The following CNOT10 variants were observed in gnomAD, a reference collection of about 807,000 sequenced individuals.
The protein encoded by CNOT10 is CCR4-NOT transcription complex subunit 10, also known as CCR4-NOT transcription complex, subunit 10.
A neutral mutation model predicts 94.6 loss-of-function variants in CNOT10; 30 were observed. The observed-to-expected ratio is 0.32, with a 90% confidence interval of 0.24 to 0.43. The LOEUF is 0.43. Among genes scored for constraint, CNOT10 ranks in the 20% least tolerant of loss-of-function variants. The pLI is 1.00. For synonymous variants in CNOT10, 289 were observed against 301.6 expected (o/e 0.96, Z 0.43); for missense variants, 759 against 877.2 (o/e 0.87, Z 1.70).
rs1003615918 is a variant in CNOT10, at chr3:32,727,664, C to G, written c.1013-4C>G. 2 of 1,581,838 alleles carry G rather than the reference C, an allele frequency of 1.3e-6. No individual in the cohort carries two copies. Among genetic ancestry groups the G allele is most frequent in the Non-Finnish European group, 8.7e-7 (1 of 1,151,480 alleles). On this transcript the variant is annotated splice_polypyrimidine_tract_variant and splice_region_variant and intron_variant, in intron 9 of 18. Coordinates refer to ENST00000328834, the MANE Select transcript of CNOT10 (RefSeq NM_015442.3). ...ATGTATTCTTATCTAATTTTTATCA[C>G]TAGGTAAAAAATTTTCAGGAAGACC...
chr3:32,709,706 G>T (rs191762299), intron 4 of CNOT10, among the ~76,000 whole-genome samples: 38 of 152,196 alleles, frequency 2.5e-4, no homozygotes, highest in African/African-American at 7.0e-4. Flanking sequence ...CAGTGGTAAG[G>T]GATTATGTAA....
rs1403379615 is a variant in CNOT10, at chr3:32,688,179, G to A, written c.22+2697G>A. On this transcript the variant is annotated intron_variant, in intron 1 of 18. Coordinates refer to ENST00000328834, the MANE Select transcript of CNOT10 (RefSeq NM_015442.3). ...TAAATATTCACCAATGGCCTGTTTT[G>A]CCAGGTACTACTTTAGGAACTGGGC... Among the ~76,000 whole-genome samples the A allele has an allele frequency of 5.3e-5, 8 of 152,154 alleles. 1 individual carries two copies. The highest frequency in any genetic ancestry group is 3.9e-4 in the Admixed American group (6 of 15,270).
intron 17 of CNOT10, chr3:32,769,557 T>C (rs140072867): frequency 2.5e-5 from 6 of 240,948 alleles, no homozygotes; most frequent in African/African-American, 8.7e-5. Flanking sequence ...GAAGTGTTAC[T>C]TAGGAAAACA....
At chr3:32,715,763 C>T (rs1698090961) in intron 5 of CNOT10, among the ~76,000 whole-genome samples, 1 of 152,200 alleles carries the variant, frequency 6.6e-6, no homozygotes, top group Non-Finnish European at 1.5e-5. Flanking sequence ...CTGTCACCCA[C>T]TCTAGACTAC....
chr3:32,769,664 A>G, intron 17 of CNOT10: 1 of 490,060 alleles, frequency 2.0e-6, no homozygotes, highest in Non-Finnish European at 3.8e-6. Context: ...CGGGGTGTCC[A>G]GTCACCCATC....
At chr3:32,703,267 T>G (rs533129657) in intron 1 of CNOT10, among the ~76,000 whole-genome samples, 1 of 152,040 alleles carries the variant, frequency 6.6e-6, no homozygotes, top group African/African-American at 2.4e-5. Flanking sequence ...TTTGGCCACT[T>G]TATTAGGAAG....
chr3:32,700,238 A>C (rs979097522), intron 1 of CNOT10, among the ~76,000 whole-genome samples: 3 of 152,054 alleles, frequency 2.0e-5, no homozygotes, highest in Non-Finnish European at 4.4e-5. Context: ...GGCCTCCCAA[A>C]GTGCTGGGAT....
At chr3:32,728,883 G>A (rs540304271) in intron 10 of CNOT10, among the ~76,000 whole-genome samples, 344 of 152,174 alleles carry the variant, frequency 2.3e-3, no homozygotes, top group Non-Finnish European at 4.4e-3. Flanking sequence ...GGTGGATCAC[G>A]AGGTCAGGAG....
intron 1 of CNOT10, among the ~76,000 whole-genome samples, chr3:32,686,158 G>A (rs747570298): frequency 6.6e-6 from 1 of 152,074 alleles, no homozygotes; most frequent in Non-Finnish European, 1.5e-5. Flanking sequence ...AATCTCAATG[G>A]TTTTCTTTAT....
intron 1 of CNOT10, among the ~76,000 whole-genome samples, chr3:32,691,159 CTTT>C (rs34462848): frequency 1.1e-5 from 1 of 88,166 alleles, no homozygotes; most frequent in Admixed American, 1.4e-4. Context: ...CCACAGCCAG[CTTT>C]TTTTTTTTTT....
chr3:32,736,294 C>G (rs954178006), intron 12 of CNOT10, among the ~76,000 whole-genome samples: 1 of 152,074 alleles, frequency 6.6e-6, no homozygotes, highest in African/African-American at 2.4e-5. Context: ...GCCATGTTGT[C>G]CAGGATGGTC....
intron 1 of CNOT10, among the ~76,000 whole-genome samples, chr3:32,686,684 G>T (rs1178623646): frequency 6.6e-6 from 1 of 152,174 alleles, no homozygotes; most frequent in Non-Finnish European, 1.5e-5. Flanking sequence ...CAGGAAAACG[G>T]CATGGCCTGT....
intron 4 of CNOT10, 87 bp from the exon 5 acceptor site, chr3:32,713,140 G>A: frequency 9.2e-7 from 1 of 1,085,990 alleles, no homozygotes; most frequent in Non-Finnish European, 1.3e-6. Context: ...GCTATTTAAA[G>A]CTTTGTATAC....
At chr3:32,745,267 G>C (rs1332125783) in intron 13 of CNOT10, among the ~76,000 whole-genome samples, 1 of 151,790 alleles carries the variant, frequency 6.6e-6, no homozygotes, top group Non-Finnish European at 1.5e-5. Flanking sequence ...TACTGTATTG[G>C]TTTTTAATTT....
intron 7 of CNOT10, among the ~76,000 whole-genome samples, chr3:32,719,380 A>G (rs975950683): frequency 6.6e-6 from 1 of 152,232 alleles, no homozygotes; most frequent in Non-Finnish European, 1.5e-5. Context: ...AGATCATGCC[A>G]CTGTACTCCA....
intron 13 of CNOT10, chr3:32,753,907 T>G: frequency 7.9e-7 from 1 of 1,260,788 alleles, no homozygotes; most frequent in Non-Finnish European, 1.1e-6. Context: ...ACTAAATAAA[T>G]TAATTTGCTC....
chr3:32,705,044 G>A, intron 3 of CNOT10, 72 bp downstream of exon 3: 3 of 993,798 alleles, frequency 3.0e-6, no homozygotes, highest in South Asian at 2.2e-5. Context: ...AAATAGTTAA[G>A]GAAAATAAAT....
At chr3:32,692,060 A>G (rs1340854925) in intron 1 of CNOT10, among the ~76,000 whole-genome samples, 1 of 151,718 alleles carries the variant, frequency 6.6e-6, no homozygotes, top group Non-Finnish European at 1.5e-5. Context: ...CCAAAAAAAA[A>G]AAAAAAAAGC....
At chr3:32,700,913 T>C (rs919343188) in intron 1 of CNOT10, among the ~76,000 whole-genome samples, 4 of 152,206 alleles carry the variant, frequency 2.6e-5, no homozygotes, top group Non-Finnish European at 5.9e-5. Flanking sequence ...CTTTGGGAGA[T>C]AGTAAAATAT....
Sources: allele counts gnomAD v4.1 joint callset (sites outside exome capture counted in the v4.1 genomes callset), GRCh38; gene constraint gnomAD v4.1.1; transcripts MANE v1.5; gene names NCBI Gene and HGNC (gene_info 2026-07-23, HGNC 2026-07-21).